The following TJP1 variants were observed in gnomAD, a reference collection of about 807,000 sequenced individuals.
TJP1 encodes tight junction protein 1.
Under a neutral mutation model 194.2 loss-of-function variants are expected in TJP1, and 43 were observed. The observed-to-expected ratio is 0.22, with a 90% confidence interval of 0.17 to 0.29. The LOEUF (loss-of-function observed/expected upper bound fraction) is 0.29, where lower values mean the gene tolerates loss of function less well. TJP1 is among the 10% of genes least tolerant of loss of function. The pLI is 1.00. For synonymous variants in TJP1, 801 were observed against 779.0 expected, an observed-to-expected ratio of 1.03 and a Z score of -0.47; for missense variants, 1,971 against 2,185.7, an observed-to-expected ratio of 0.90 and a Z score of 1.96.
intron 2 of TJP1, among the ~76,000 whole-genome samples, chr15:29,799,717 A>G (rs1341509313): frequency 6.6e-6 from 1 of 152,134 alleles, no homozygotes; most frequent in African/African-American, 2.4e-5. Context: ...ACCCAGCCAA[A>G]AACAACTATT....
chr15:29,772,833 T>C (rs568464288), intron 3 of TJP1, among the ~76,000 whole-genome samples: 10 of 152,308 alleles, frequency 6.6e-5, no homozygotes, highest in African/African-American at 2.2e-4. Flanking sequence ...GGTGCAATCA[T>C]GGCTCATTGC....
At chr15:29,850,383 T>C (rs993684474) in intron 2 of TJP1, among the ~76,000 whole-genome samples, 1 of 152,086 alleles carries the variant, frequency 6.6e-6, no homozygotes, top group African/African-American at 2.4e-5. Context: ...CAGGCTGGAG[T>C]GTAGTGGCGC....
chr15:29,719,737 T>C (rs759229036), intron 20 of TJP1, 40 bp downstream of exon 20: 9 of 1,584,434 alleles, frequency 5.7e-6, no homozygotes, highest in Non-Finnish European at 7.7e-6. Context: ...GCCAGATTGA[T>C]GGACAGCAAC....
chr15:29,872,060 T>C (rs994943887), intron 2 of TJP1, among the ~76,000 whole-genome samples: 1 of 152,114 alleles, frequency 6.6e-6, no homozygotes, highest in African/African-American at 2.4e-5. Flanking sequence ...GGGTGGGCTG[T>C]GGAAGAAGAA....
chr15:29,709,951 G>A (rs2042134180), intron 24 of TJP1, among the ~76,000 whole-genome samples: 1 of 152,120 alleles, frequency 6.6e-6, no homozygotes, highest in Non-Finnish European at 1.5e-5. Context: ...TTCGTGACCA[G>A]CCTGGCTAAC....
At chr15:29,838,988 T>C (rs1389359226) in intron 2 of TJP1, among the ~76,000 whole-genome samples, 2 of 138,372 alleles carry the variant, frequency 1.4e-5, no homozygotes, top group Non-Finnish European at 3.1e-5. Flanking sequence ...CAGTAAAAAT[T>C]CACCTTTTTT....
intron 2 of TJP1, among the ~76,000 whole-genome samples, chr15:29,790,597 A>G (rs2048008123): frequency 6.6e-6 from 1 of 152,172 alleles, no homozygotes; most frequent in Admixed American, 6.5e-5. Flanking sequence ...TAAATTAACG[A>G]TAGTTGCCCT....
intron 2 of TJP1, among the ~76,000 whole-genome samples, chr15:29,832,335 T>G (rs189167179): frequency 1.3e-5 from 2 of 152,078 alleles, no homozygotes; most frequent in Non-Finnish European, 2.9e-5. Flanking sequence ...AGTGAGGGAA[T>G]TGTAGACCAC....
At chr15:29,833,703 A>G (rs2050907595) in intron 2 of TJP1, among the ~76,000 whole-genome samples, 1 of 150,976 alleles carries the variant, frequency 6.6e-6, no homozygotes. Context: ...CTACTTGGAA[A>G]GTATTTTTAA....
chr15:29,731,880 A>C (rs1444122676), intron 15 of TJP1, among the ~76,000 whole-genome samples: 10 of 152,228 alleles, frequency 6.6e-5, no homozygotes, highest in Non-Finnish European at 7.3e-5. Context: ...CTGCAGCCTC[A>C]ATACTTATAC....
intron 2 of TJP1, among the ~76,000 whole-genome samples, chr15:29,874,516 G>C (rs2052631679): frequency 6.6e-6 from 1 of 152,116 alleles, no homozygotes; most frequent in Non-Finnish European, 1.5e-5. Flanking sequence ...GTTAAAAAAG[G>C]AATCTACCCC....
At chr15:29,735,387 G>C (rs2043958130) in intron 11 of TJP1, among the ~76,000 whole-genome samples, 1 of 152,024 alleles carries the variant, frequency 6.6e-6, no homozygotes, top group Non-Finnish European at 1.5e-5. Flanking sequence ...CCAGGAATTT[G>C]AGACCAGTCT....
chr15:29,757,148 C>T (rs560914915), intron 8 of TJP1, among the ~76,000 whole-genome samples: 8 of 152,252 alleles, frequency 5.3e-5, no homozygotes, highest in South Asian at 2.1e-4. Flanking sequence ...CCAGGAAGTC[C>T]GGCTCCAAAG....
intron 8 of TJP1, chr15:29,758,811 T>C (rs2045815737): frequency 6.6e-6 from 1 of 152,218 alleles, no homozygotes; most frequent in Non-Finnish European, 1.5e-5. Flanking sequence ...TCATCAGTTA[T>C]AAGATAAGCC....
At chr15:29,953,509 C>T (rs902449303) in intron 2 of TJP1, among the ~76,000 whole-genome samples, 1 of 151,728 alleles carries the variant, frequency 6.6e-6, no homozygotes. Context: ...ATGCTATATG[C>T]CCCTACATAT....
intron 2 of TJP1, among the ~76,000 whole-genome samples, chr15:29,940,866 C>T (rs2055048142): frequency 6.6e-6 from 1 of 152,156 alleles, no homozygotes; most frequent in Non-Finnish European, 1.5e-5. Context: ...TCACCAATCA[C>T]CTCCAAGTGA....
intron 8 of TJP1, among the ~76,000 whole-genome samples, chr15:29,751,116 A>G (rs1234062146): frequency 6.6e-6 from 1 of 152,202 alleles, no homozygotes; most frequent in Non-Finnish European, 1.5e-5. Flanking sequence ...CACAACGATT[A>G]AAAAATGGTC....
chr15:29,778,646 G>A (rs918323794), intron 2 of TJP1, among the ~76,000 whole-genome samples: 1 of 152,098 alleles, frequency 6.6e-6, no homozygotes. Flanking sequence ...TTGCTTCCCA[G>A]CACCCCAGTC....
intron 2 of TJP1, among the ~76,000 whole-genome samples, chr15:29,833,881 A>ATATATATATATATATTTTTTTTTTT (rs1555434000): frequency 7.9e-5 from 1 of 12,610 alleles, no homozygotes; most frequent in African/African-American, 3.0e-4. Context: ...ATATATATAT[A>ATATATATATATATATTTTTTTTTTT]TTTTTTTTTT....
Sources: allele counts gnomAD v4.1 joint callset (sites outside exome capture counted in the v4.1 genomes callset), GRCh38; gene constraint gnomAD v4.1.1; transcripts MANE v1.5; gene names NCBI Gene and HGNC (gene_info 2026-07-23, HGNC 2026-07-21).